The following PRR16 variants were observed in gnomAD, a reference collection of about 807,000 sequenced individuals.
The protein encoded by PRR16 is proline rich 16.
Under a neutral mutation model 18.2 loss-of-function variants are expected in PRR16, and 6 were observed. The observed-to-expected ratio is 0.33, with a 90% confidence interval of 0.18 to 0.65. PRR16 has a LOEUF of 0.65. PRR16 is among the 30% of genes least tolerant of loss of function. The pLI is 0.74. For synonymous variants in PRR16, 151 were observed against 147.8 expected, an observed-to-expected ratio of 1.02 and a Z score of -0.16; for missense variants, 412 against 376.6, an observed-to-expected ratio of 1.09 and a Z score of -0.78.
chr5:120,715,183 A>T, the PRR16 span, among the ~76,000 whole-genome samples: 27 of 152,182 alleles, frequency 1.8e-4, no homozygotes, highest in Admixed American at 3.3e-4. Flanking sequence ...TTAGGAGTCT[A>T]TAGTTTTCTG....
At chr5:120,692,897 C>G in the PRR16 span, among the ~76,000 whole-genome samples, 1 of 152,156 alleles carries the variant, frequency 6.6e-6, no homozygotes, top group South Asian at 2.1e-4. Flanking sequence ...TAGTCACCAA[C>G]AGGCATTTTT....
At chr5:120,594,539 A>G (rs558480418) in intron 1 of PRR16, among the ~76,000 whole-genome samples, 1 of 152,268 alleles carries the variant, frequency 6.6e-6, no homozygotes, top group South Asian at 2.1e-4. Context: ...GCCCAAAGCA[A>G]TTTACAGATT....
chr5:120,730,249 T>C, the PRR16 span, among the ~76,000 whole-genome samples: 3 of 152,152 alleles, frequency 2.0e-5, no homozygotes, highest in African/African-American at 7.2e-5. Context: ...CTCTACAGGA[T>C]GAATTCTCAG....
At chr5:120,715,579 A>G in the PRR16 span, among the ~76,000 whole-genome samples, 1 of 152,172 alleles carries the variant, frequency 6.6e-6, no homozygotes, top group South Asian at 2.1e-4. Flanking sequence ...GCTATCTGCA[A>G]TTTCACTTCT....
At chr5:120,720,319 T>A in the PRR16 span, among the ~76,000 whole-genome samples, 2 of 152,026 alleles carry the variant, frequency 1.3e-5, no homozygotes, top group Non-Finnish European at 2.9e-5. Flanking sequence ...TTCTGCCATT[T>A]TTCCACCAAA....
At chr5:120,786,711 G>A in the PRR16 span, among the ~76,000 whole-genome samples, 21 of 151,772 alleles carry the variant, frequency 1.4e-4, no homozygotes, top group South Asian at 3.5e-3. Flanking sequence ...AAAATTTTTT[G>A]TATTATTTTT....
intron 1 of PRR16, among the ~76,000 whole-genome samples, chr5:120,510,476 T>A (rs1414378585): frequency 6.6e-6 from 1 of 152,186 alleles, no homozygotes; most frequent in Non-Finnish European, 1.5e-5. Flanking sequence ...GCCTGCTATC[T>A]GTGAGAGATT....
At chr5:120,784,403 CTG>C in the PRR16 span, among the ~76,000 whole-genome samples, 1 of 152,146 alleles carries the variant, frequency 6.6e-6, no homozygotes, top group Non-Finnish European at 1.5e-5. Context: ...CCATTTTTAA[CTG>C]GAGTGAAATG....
intron 1 of PRR16, among the ~76,000 whole-genome samples, chr5:120,527,047 C>T (rs1187597370): frequency 6.6e-6 from 1 of 152,110 alleles, no homozygotes; most frequent in Non-Finnish European, 1.5e-5. Flanking sequence ...TGCTGTTTAC[C>T]ATTCTACTCT....
At chr5:120,748,840 G>A in the PRR16 span, among the ~76,000 whole-genome samples, 4 of 152,106 alleles carry the variant, frequency 2.6e-5, no homozygotes, top group Non-Finnish European at 5.9e-5. Context: ...GACTATGAGA[G>A]CGTGCAGCAA....
the PRR16 span, among the ~76,000 whole-genome samples, chr5:120,722,913 A>G: frequency 6.6e-6 from 1 of 151,482 alleles, no homozygotes; most frequent in African/African-American, 2.4e-5. Context: ...TTCTGAAAGT[A>G]TCTATCTCTA....
chr5:120,533,335 G>A (rs1428664004), intron 1 of PRR16, among the ~76,000 whole-genome samples: 3 of 152,146 alleles, frequency 2.0e-5, no homozygotes, highest in Non-Finnish European at 4.4e-5. Context: ...AGCAGACAAC[G>A]ATTCTAGCTC....
chr5:120,553,168 G>A (rs1330118595), intron 1 of PRR16, among the ~76,000 whole-genome samples: 1 of 151,826 alleles, frequency 6.6e-6, no homozygotes, highest in Non-Finnish European at 1.5e-5. Context: ...GATGACCAGA[G>A]TATATTGTAG....
the PRR16 span, among the ~76,000 whole-genome samples, chr5:120,705,273 ATGG>A: frequency 6.6e-6 from 1 of 152,078 alleles, no homozygotes; most frequent in Non-Finnish European, 1.5e-5. Context: ...AGATTTTCTG[ATGG>A]TGCAGTTAAG....
intron 1 of PRR16, among the ~76,000 whole-genome samples, chr5:120,555,067 A>G (rs537021454): frequency 6.6e-6 from 1 of 152,058 alleles, no homozygotes; most frequent in Admixed American, 6.6e-5. Context: ...AATAATCTCT[A>G]TACATTCTTT....
chr5:120,487,736 G>A (rs1749862516), intron 1 of PRR16, among the ~76,000 whole-genome samples: 1 of 152,142 alleles, frequency 6.6e-6, no homozygotes, highest in Non-Finnish European at 1.5e-5. Flanking sequence ...AGTTTTCAAA[G>A]GGAATGCTTC....
chr5:120,647,015 T>C (rs909710400), intron 1 of PRR16, among the ~76,000 whole-genome samples: 2 of 151,904 alleles, frequency 1.3e-5, no homozygotes, highest in African/African-American at 4.8e-5. Context: ...TCCTGAGTCA[T>C]TTATATTAAA....
chr5:120,699,667 G>A, the PRR16 span, among the ~76,000 whole-genome samples: 1 of 152,188 alleles, frequency 6.6e-6, no homozygotes, highest in Non-Finnish European at 1.5e-5. Flanking sequence ...TAAAGCAGTG[G>A]CAGCCGCTGC....
chr5:120,532,647 A>T (rs1751588162), intron 1 of PRR16, among the ~76,000 whole-genome samples: 1 of 152,240 alleles, frequency 6.6e-6, no homozygotes, highest in East Asian at 1.9e-4. Flanking sequence ...GCACTGAAGG[A>T]TCTTAGAAGA....
Sources: gnomAD v4.1 joint callset for allele counts (sites outside exome capture counted in the v4.1 genomes callset) on GRCh38, gnomAD v4.1.1 for gene constraint, MANE v1.5 for transcripts, NCBI Gene and HGNC (gene_info 2026-07-23, HGNC 2026-07-21) for gene names.